The following WDPCP variants were observed in gnomAD, a reference collection of about 807,000 sequenced individuals.
WDPCP encodes the protein WD repeat containing planar cell polarity effector, also known as WD repeat-containing and planar cell polarity effector protein fritz homolog.
Under a neutral mutation model 93.1 loss-of-function variants are expected in WDPCP, and 71 were observed. The ratio of observed to expected loss-of-function variants is 0.76; its 90% CI spans 0.63 to 0.93. The LOEUF (loss-of-function observed/expected upper bound fraction) is 0.93. Ranked by LOEUF, WDPCP falls within the 40% of genes least tolerant of loss-of-function variation. WDPCP has a pLI of 0.00. For missense variants in WDPCP, 844 were observed against 887.4 expected, an observed-to-expected ratio of 0.95 and a Z score of 0.62; for synonymous variants, 315 against 315.0, an observed-to-expected ratio of 1.00 and a Z score of 0.00.
chr2:63,721,103 T>C (rs1013372521), intron 2 of WDPCP, among the ~76,000 whole-genome samples: 1 of 152,240 alleles, frequency 6.6e-6, no homozygotes, highest in East Asian at 1.9e-4. Context: ...AGAAACTACC[T>C]TGACAATTTT....
chr2:63,126,829 C>T lies in WDPCP; in HGVS notation c.2191-4773G>A, dbSNP rs540681541. 2.0e-5 allele frequency among the ~76,000 whole-genome samples: 3 copies of T among 152,106 alleles called. No individual in the cohort carries two copies. In the South Asian group the frequency reaches 6.2e-4, roughly 32 times the overall value. On this transcript the variant is annotated intron_variant, in intron 17 of 17. Coordinates refer to ENST00000272321, the MANE Select transcript of WDPCP (RefSeq NM_015910.7). ...TAGCTGGGACTACAGGTGTGCACCA[C>T]TGTGCCTGGATAATTTTTTTAAACT...
intron 17 of WDPCP, among the ~76,000 whole-genome samples, chr2:63,140,350 A>C (rs1224484139): frequency 1.3e-5 from 2 of 152,122 alleles, no homozygotes; most frequent in African/African-American, 4.8e-5. Flanking sequence ...TTTGTGAAGA[A>C]TGATGGTGGT....
At position 63,809,155 on chromosome 2, in the gene WDPCP, C is replaced by T. The variant is rs573695514; in HGVS notation, n.308+4467G>A. Among the ~76,000 whole-genome samples the T allele has an allele frequency of 1.7e-4, 26 of 151,534 alleles. No homozygotes were observed. In the South Asian group the frequency reaches 5.2e-3, roughly 30 times the overall value. ...GAGCCCCTCCGCCCGGCAGCCACCCCGTCTGGGAAGTGAGGAGCGTCTCCG... is the reference window on the plus strand; with the variant it reads ...GAGCCCCTCCGCCCGGCAGCCACCCTGTCTGGGAAGTGAGGAGCGTCTCCG... On this transcript the variant is annotated intron_variant and non_coding_transcript_variant, in intron 2 of 4. Transcript: ENST00000467687.
chr2:63,632,397 C>T (rs1398165594), intron 3 of WDPCP, among the ~76,000 whole-genome samples: 3 of 152,094 alleles, frequency 2.0e-5, no homozygotes, highest in Non-Finnish European at 4.4e-5. Context: ...CTACAAACTG[C>T]CAAACAAAGA....
intron 14 of WDPCP, among the ~76,000 whole-genome samples, chr2:63,247,092 A>G (rs1363801267): frequency 2.6e-5 from 4 of 152,200 alleles, no homozygotes; most frequent in African/African-American, 9.6e-5. Context: ...AGATAACTCT[A>G]AAGGAAACAC....
chr2:63,788,612 C>G (rs544787547), intron 2 of WDPCP, among the ~76,000 whole-genome samples: 106 of 152,186 alleles, frequency 7.0e-4, no homozygotes, highest in Middle Eastern at 6.8e-3. Flanking sequence ...TGAATATTAT[C>G]TAAAGGACAT....
chr2:63,306,157 C>T (rs1300490757), intron 13 of WDPCP, among the ~76,000 whole-genome samples: 1 of 152,150 alleles, frequency 6.6e-6, no homozygotes, highest in Non-Finnish European at 1.5e-5. Context: ...AGACAAATTC[C>T]TGGACACGTA....
chr2:63,378,308 G>A, intron 12 of WDPCP, 78 bp downstream of exon 12: 1 of 1,590,542 alleles, frequency 6.3e-7, no homozygotes, highest in South Asian at 1.1e-5. Flanking sequence ...GCCTTACTAT[G>A]GAATATTTTA....
At chr2:63,589,246 G>C, upstream of WDPCP, 4 of 1,553,944 alleles carry the variant, frequency 2.6e-6, no homozygotes, top group Non-Finnish European at 3.5e-6. Context: ...GCGGGGTATG[G>C]GGCGCTCTTA....
intron 17 of WDPCP, among the ~76,000 whole-genome samples, chr2:63,129,213 T>C (rs1670129021): frequency 6.6e-6 from 1 of 152,242 alleles, no homozygotes; most frequent in Non-Finnish European, 1.5e-5. Flanking sequence ...ACCTTTTGGG[T>C]ATTGTGACTA....
At chr2:63,744,957 T>C (rs1297156029) in intron 2 of WDPCP, among the ~76,000 whole-genome samples, 1 of 152,166 alleles carries the variant, frequency 6.6e-6, no homozygotes, top group East Asian at 1.9e-4. Context: ...AACATTCCCA[T>C]AAGCCTAACA....
At chr2:63,293,069 A>G (rs1684566886) in intron 13 of WDPCP, among the ~76,000 whole-genome samples, 1 of 152,046 alleles carries the variant, frequency 6.6e-6, no homozygotes, top group South Asian at 2.1e-4. Flanking sequence ...GAGGCAGGGC[A>G]CCTGACCCCT....
chr2:63,384,117 G>T (rs967892515), intron 10 of WDPCP, among the ~76,000 whole-genome samples: 1 of 152,092 alleles, frequency 6.6e-6, no homozygotes, highest in Admixed American at 6.6e-5. Flanking sequence ...AAGTATATTA[G>T]AAAATATTTT....
intron 1 of WDPCP, chr2:63,518,483 C>T (rs1702702780): frequency 6.6e-6 from 1 of 152,430 alleles, no homozygotes; most frequent in South Asian, 2.1e-4. Flanking sequence ...TCCCCACAGA[C>T]ACTTGAACTG....
chr2:63,572,406 A>G lies in WDPCP; in HGVS notation c.75+15791T>C, dbSNP rs182132235. Reference sequence around the variant, plus strand: ...TATTTCTAATATGTTGTTATTAATTATAAATTGGACAGTAGGCGGGGCATG... The same window carrying G: ...TATTTCTAATATGTTGTTATTAATTGTAAATTGGACAGTAGGCGGGGCATG... On this transcript the variant is annotated intron_variant, in intron 1 of 17. Transcript: ENST00000272321. 2.0e-5 allele frequency among the ~76,000 whole-genome samples: 3 copies of G among 152,214 alleles called. No individual in the cohort carries two copies. In the East Asian group the frequency reaches 5.8e-4, roughly 29 times the overall value.
chr2:63,497,113 A>AAAAG (rs1020971995), intron 1 of WDPCP, among the ~76,000 whole-genome samples: 9 of 142,562 alleles, frequency 6.3e-5, no homozygotes, highest in Non-Finnish European at 1.4e-4. Flanking sequence ...CTCCATCTCA[A>AAAAG]AAAAAAAAAA....
At chr2:63,299,181 T>A (rs916867796) in intron 13 of WDPCP, among the ~76,000 whole-genome samples, 2 of 152,236 alleles carry the variant, frequency 1.3e-5, no homozygotes, top group African/African-American at 4.8e-5. Context: ...AGCCACATTG[T>A]GAGTCCCTTA....
At chr2:63,393,165 G>A (rs1363778080) in intron 10 of WDPCP, among the ~76,000 whole-genome samples, 3 of 152,162 alleles carry the variant, frequency 2.0e-5, no homozygotes, top group African/African-American at 7.2e-5. Context: ...ACTGGATTAA[G>A]AAAATGTGGC....
intron 2 of WDPCP, among the ~76,000 whole-genome samples, chr2:63,740,806 A>C (rs770115335): frequency 6.6e-6 from 1 of 152,094 alleles, no homozygotes; most frequent in Non-Finnish European, 1.5e-5. Flanking sequence ...TAATTTGTCC[A>C]TTTGCTGCTC....
Sources: gnomAD v4.1 joint callset for allele counts (sites outside exome capture counted in the v4.1 genomes callset) on GRCh38, gnomAD v4.1.1 for gene constraint, MANE v1.5 for transcripts, NCBI Gene and HGNC (gene_info 2026-07-23, HGNC 2026-07-21) for gene names.